Variants in LIMK2 observed in about 807,000 individuals in gnomAD.
The protein encoded by LIMK2 is LIM domain kinase 2.
In LIMK2, 35 loss-of-function variants were observed where a neutral mutation model predicts 75.7. The ratio of observed to expected loss-of-function variants is 0.46; its 90% CI spans 0.35 to 0.61. The LOEUF (loss-of-function observed/expected upper bound fraction) is 0.61. Among genes scored for constraint, LIMK2 ranks in the 20% least tolerant of loss-of-function variants. The probability of loss-of-function intolerance (pLI) is 0.00; values close to 1 mark genes in which losing one functional copy is unlikely to be tolerated. For synonymous variants in LIMK2, 301 were observed against 319.2 expected (o/e 0.94, Z 0.61); for missense variants, 623 against 831.0 (o/e 0.75, Z 3.08).
intron 1 of LIMK2, among the ~76,000 whole-genome samples, chr22:31,221,615 G>C (rs978329782): frequency 1.3e-5 from 2 of 152,040 alleles, no homozygotes; most frequent in South Asian, 4.2e-4. Context: ...CTCCTGAGTA[G>C]CTGGGACTAC....
At chr22:31,273,563 C>A in intron 14 of LIMK2, 56 bp downstream of exon 14, 1 of 1,409,952 alleles carries the variant, frequency 7.1e-7, no homozygotes, top group Non-Finnish European at 1.0e-6. Context: ...GCTCTGCCTT[C>A]CCTCGGAACT....
At position 31,248,647 on chromosome 22, in the gene LIMK2, A is replaced by G. The variant is rs902444906; in HGVS notation, c.117-9644A>G. 5 of 1,613,578 alleles carry G rather than the reference A, an allele frequency of 3.1e-6. No individual in the cohort carries two copies. In the African/African-American group the frequency reaches 4.0e-5, roughly 13 times the overall value. ...GAGCCCCGGGCCTGTCATGGTGGCC[A>G]TCTACAGCCGGCCTGAGGCAGTCAC... On this transcript the variant is annotated intron_variant, in intron 2 of 15. Transcript: ENST00000331728.
chr22:31,216,522 C>G (rs763783859), intron 1 of LIMK2, among the ~76,000 whole-genome samples: 1 of 152,086 alleles, frequency 6.6e-6, no homozygotes, highest in Non-Finnish European at 1.5e-5. Flanking sequence ...GGCCACCAAT[C>G]TGGAGGTGGG....
chr22:31,220,338 A>T (rs940672569), intron 1 of LIMK2, among the ~76,000 whole-genome samples: 10 of 152,218 alleles, frequency 6.6e-5, no homozygotes, highest in Non-Finnish European at 1.5e-4. Context: ...CAGTGGAATC[A>T]TCTGTGCTGA....
At chr22:31,224,960 C>G (rs1044738698) in intron 1 of LIMK2, among the ~76,000 whole-genome samples, 2 of 152,248 alleles carry the variant, frequency 1.3e-5, no homozygotes, top group African/African-American at 4.8e-5. Flanking sequence ...GCTGCCTGAG[C>G]TCTGCCTCCT....
Position 31,262,557 on chromosome 22 carries a change from G to T in LIMK2, c.658-38G>T. On this transcript the variant is annotated intron_variant, in intron 6 of 15. Transcript: ENST00000331728. The surrounding 1 kb of genome is among the most constrained non-coding windows in gnomAD (Gnocchi z 5.0). The stretch of plus-strand genomic sequence containing the variant: ...GTTGGCCATGGGTGGCCTGGGATGG[G>T]GCAGCCTGTGGGAGCTTTATACTGC... 6.4e-7 allele frequency: 1 copy of T among 1,574,178 alleles called. No individual in the cohort carries two copies. Among genetic ancestry groups the T allele is most frequent in the Non-Finnish European group, 8.7e-7 (1 of 1,154,276 alleles).
chr22:31,267,930 T>G, intron 10 of LIMK2, 23 bp downstream of exon 10: 1 of 1,577,460 alleles, frequency 6.3e-7, no homozygotes, highest in Non-Finnish European at 8.6e-7. Flanking sequence ...CCCCATAGTC[T>G]CCAGGAGCCT....
At chr22:31,276,869 T>C in intron 15 of LIMK2, 1 of 1,612,256 alleles carries the variant, frequency 6.2e-7, no homozygotes, top group South Asian at 1.1e-5. Context: ...AAGGTCACCA[T>C]CAAGTATGAC....
chr22:31,239,730 G>A (rs574994492), intron 2 of LIMK2, among the ~76,000 whole-genome samples: 7 of 152,242 alleles, frequency 4.6e-5, no homozygotes, highest in East Asian at 3.9e-4. Flanking sequence ...GTGTGGAGCC[G>A]TATCTAGTTT....
intron 5 of LIMK2, among the ~76,000 whole-genome samples, chr22:31,261,364 A>G (rs1221408542): frequency 1.3e-5 from 2 of 152,016 alleles, no homozygotes; most frequent in Non-Finnish European, 2.9e-5. Context: ...TGGCTAACAC[A>G]ATGAAACCCC....
intron 15 of LIMK2, chr22:31,277,235 C>T (rs1241585790): frequency 6.3e-7 from 1 of 1,579,594 alleles, no homozygotes; most frequent in Non-Finnish European, 8.6e-7. Context: ...TGCGGCCAGG[C>T]CTGGTTCCAT....
In LIMK2 at chr22:31,259,224, T is replaced by A. The variant is rs1200852580; in HGVS notation, c.356T>A (p.Leu119His). ...DAYALVQHAT[L>H]YCGKCHNEVV... ...TATGCACTGGTGCAGCATGCCACCC[T>A]CTACTGGTAAGATAGTGGTCCTTTG... The change falls in exon 4 of 16, where the codon CTC becomes CAC. Residue 119 changes from leucine (L) to histidine (H), a missense_variant. By Grantham distance (99) the Leu-to-His change is moderately conservative. This residue lies in a region of LIMK2 where 514 missense variants were observed against 661.3 expected (regional missense o/e 0.78). Coordinates refer to ENST00000331728, the MANE Select transcript of LIMK2 (RefSeq NM_005569.4). 1.3e-6 allele frequency: 2 copies of A among 1,594,948 alleles called. No homozygotes were observed. Among genetic ancestry groups the A allele is most frequent in the Non-Finnish European group, 1.7e-6 (2 of 1,162,568 alleles).
At chr22:31,243,527 A>G (rs1351488907) in intron 2 of LIMK2, among the ~76,000 whole-genome samples, 1 of 152,214 alleles carries the variant, frequency 6.6e-6, no homozygotes, top group African/African-American at 2.4e-5. Flanking sequence ...GCTGCCGGTT[A>G]TGAAGGCTAT....
Position 31,212,326 on chromosome 22 carries a change from A to G in LIMK2, c.-83A>G, listed in dbSNP as rs966965572. ...TTCCCGCGCCTGAGGCGGCGGCGGC[A>G]GGAGCTGAGGGGAGTTGTAGGGAAC... On this transcript the variant is annotated 5_prime_UTR_variant, in exon 1 of 16. Transcript: ENST00000331728. The G allele has an allele frequency of 7.8e-7, 1 of 1,285,464 alleles. No homozygotes were observed. The highest frequency in any genetic ancestry group is 1.0e-6 in the Non-Finnish European group (1 of 1,002,496). 79.6% of individuals were successfully genotyped at this position (1,285,464 alleles called of 1,614,324 possible).
Position 31,277,011 on chromosome 22 carries a change from T to A in LIMK2, c.1773-1286T>A, listed in dbSNP as rs764829241. ...TGGATGAGCTCCTGGACATGGAGAGTGACGATGCCTGGGCTTCCAGGGTCA... is the reference window on the plus strand; with the variant it reads ...TGGATGAGCTCCTGGACATGGAGAGAGACGATGCCTGGGCTTCCAGGGTCA... On this transcript the variant is annotated intron_variant, in intron 15 of 15. Coordinates refer to ENST00000331728, the MANE Select transcript of LIMK2 (RefSeq NM_005569.4). 20 of 1,613,354 alleles carry A rather than the reference T, an allele frequency of 1.2e-5. No homozygotes were observed. In the African/African-American group the frequency reaches 2.3e-4, roughly 18 times the overall value.
chr22:31,233,652 T>C (rs2048546720), intron 2 of LIMK2, among the ~76,000 whole-genome samples: 1 of 152,208 alleles, frequency 6.6e-6, no homozygotes, highest in African/African-American at 2.4e-5. Context: ...TTTGAATGTC[T>C]TCCAGGCACT....
intron 12 of LIMK2, among the ~76,000 whole-genome samples, 193 bp downstream of exon 12, chr22:31,271,394 T>C (rs1422969463): frequency 6.6e-6 from 1 of 152,164 alleles, no homozygotes; most frequent in Non-Finnish European, 1.5e-5. Flanking sequence ...AGACATAATT[T>C]CACCTTCTCT....
chr22:31,220,902 TGTG>T, intron 1 of LIMK2, among the ~76,000 whole-genome samples: 1 of 152,104 alleles, frequency 6.6e-6, no homozygotes, highest in East Asian at 1.9e-4. Flanking sequence ...AGGCGGAGGT[TGTG>T]GTGAGCCGAG....
chr22:31,274,372 G>A (rs1440774502), intron 14 of LIMK2, among the ~76,000 whole-genome samples: 1 of 152,034 alleles, frequency 6.6e-6, no homozygotes, highest in Non-Finnish European at 1.5e-5. Context: ...GAGAGACAAG[G>A]GATGGTTAGG....
Sources: allele counts gnomAD v4.1 joint callset (sites outside exome capture counted in the v4.1 genomes callset), GRCh38; gene constraint gnomAD v4.1.1; regional missense constraint gnomAD v4.1.1; non-coding constraint Gnocchi (gnomAD v3.1); transcripts MANE v1.5; gene names NCBI Gene and HGNC (gene_info 2026-07-23, HGNC 2026-07-21).